FIBP: variants seen among roughly 807,000 people sequenced by gnomAD.
The protein encoded by FIBP is FGF1 intracellular binding protein.
A neutral mutation model predicts 40.5 loss-of-function variants in FIBP; 29 were observed. The ratio of observed to expected loss-of-function variants is 0.72; its 90% confidence interval spans 0.53 to 0.98. FIBP has a LOEUF of 0.98. FIBP is among the 50% of genes least tolerant of loss of function. The pLI is 0.00. For missense variants in FIBP, 411 were observed against 470.2 expected (o/e 0.87, Z 1.16); for synonymous variants, 215 against 191.1 (o/e 1.13, Z -1.03).
intron 1 of FIBP, 23 bp downstream of exon 1, chr11:65,888,311 T>TTCCCCACAC (rs1860299408): frequency 6.5e-7 from 1 of 1,545,530 alleles, no homozygotes; most frequent in Non-Finnish European, 8.7e-7. Context: ...GCCGACTGGC[T>TTCCCCACAC]TCCCCACACG....
chr11:65,884,206 G>A lies in FIBP; in HGVS notation c.1005-163C>T, dbSNP rs34402671. On this transcript the variant is annotated intron_variant, in intron 9 of 9. Transcript: ENST00000357519. Reference sequence around the variant, plus strand: ...TTGTACATGAGGAAACTGAGGCATGGAGAGGTTAAGAAACCTGCCCCAAAT... The same window carrying A: ...TTGTACATGAGGAAACTGAGGCATGAAGAGGTTAAGAAACCTGCCCCAAAT... The A allele has an allele frequency of 7.2e-4, 540 of 748,452 alleles. 8 individuals are homozygous for A. The East Asian group carries it at 0.014, about 20-fold the overall frequency. 46.4% of individuals were successfully genotyped at this position (748,452 alleles called of 1,614,324 possible).
chr11:65,888,262 CTT>C, intron 1 of FIBP, 70 bp downstream of exon 1: 1 of 1,495,824 alleles, frequency 6.7e-7, no homozygotes, highest in South Asian at 1.2e-5. Flanking sequence ...ATGCCCAAGT[CTT>C]AGCCCCGCCC....
In FIBP at chr11:65,888,086, C is replaced by T. The variant is rs764101631; in HGVS notation, c.132G>A (p.Gln44=). The change falls in exon 2 of 10, where the codon CAG becomes CAA. Residue 44 remains glutamine, a synonymous_variant. Transcript: ENST00000357519. ...GCAGCACCGCTGCCGTGGCGCCAGT[C>T]TGCTCCAGGATTCCCGAGCGCACCC... ...ALRVRSGILE[Q]TGATAAVLQS... is the part of the protein sequence containing the mutation. 8 of 1,603,468 alleles carry T rather than the reference C, an allele frequency of 5.0e-6. No homozygotes were observed. The African/African-American group carries it at 9.4e-5, about 19-fold the overall frequency.
intron 3 of FIBP, chr11:65,886,634 T>C: frequency 5.8e-6 from 3 of 517,406 alleles, no homozygotes; most frequent in Non-Finnish European, 1.0e-5. Context: ...TATCTTGCCT[T>C]GGATAAATGT....
rs1293469402 is a variant in FIBP at position 65,888,465 on chromosome 11, C to T, written c.-47G>A. ...GCCCCGAGCAGGAGCGAGCACTGCT[C>T]GGGACTGGCGCGCCGCCTTCAGGCC... On this transcript the variant is annotated 5_prime_UTR_variant, in exon 1 of 10. Coordinates refer to ENST00000357519, the MANE Select transcript of FIBP (RefSeq NM_004214.5). 3.4e-6 allele frequency: 5 copies of T among 1,459,902 alleles called. No homozygotes were observed. Among genetic ancestry groups the T allele is most frequent in the African/African-American group, 1.4e-5 (1 of 71,088 alleles). The allele number at this position is 1,459,902 out of a possible 1,614,324, so 90.4% of individuals were successfully genotyped here. A position where few individuals can be genotyped will look rare whatever the true frequency, so the allele number is the denominator to read the frequency against.
Position 65,883,825 on chromosome 11 carries a change from T to A in FIBP, c.*149A>T, listed in dbSNP as rs1340209316. ...TGTCTCAGTTCCCAAGGAGCCACTG[T>A]ACACATCCATCCTTGTACACGGACA... On this transcript the variant is annotated 3_prime_UTR_variant, in exon 10 of 10. Transcript: ENST00000357519. The A allele has an allele frequency of 1.3e-6, 1 of 768,070 alleles. No homozygotes were observed. Among genetic ancestry groups the A allele is most frequent in the East Asian group, 2.7e-5 (1 of 37,312 alleles). 47.6% of individuals were successfully genotyped at this position (768,070 alleles called of 1,614,324 possible). A position where few individuals can be genotyped will look rare whatever the true frequency, so the allele number is the denominator to read the frequency against.
At chr11:65,884,210 G>A in intron 9 of FIBP, 167 bp from the exon 10 acceptor site, 1 of 758,842 alleles carries the variant, frequency 1.3e-6, no homozygotes, top group South Asian at 1.8e-5. Flanking sequence ...GGCATGGAGA[G>A]GTTAAGAAAC....
At chr11:65,886,018 G>A (rs980812865) in intron 4 of FIBP, 27 of 461,230 alleles carry the variant, frequency 5.9e-5, no homozygotes, top group African/African-American at 2.4e-4. Flanking sequence ...CCAAAGTACA[G>A]ACCAAGCTGG....
intron 3 of FIBP, 167 bp from the exon 4 acceptor site, chr11:65,886,589 T>A (rs1860244252): frequency 1.7e-6 from 1 of 575,118 alleles, no homozygotes; most frequent in East Asian, 2.9e-5. Context: ...TTATTAGTAC[T>A]TGTTATCAAA....
At chr11:65,884,697 G>C in intron 7 of FIBP, 41 bp from the exon 8 acceptor site, 1 of 1,602,856 alleles carries the variant, frequency 6.2e-7, no homozygotes, top group East Asian at 2.2e-5. Context: ...TTCTGCCCCA[G>C]AAGTTGGCAG....
In FIBP at chr11:65,888,465, C is replaced by G; in HGVS notation, c.-47G>C. ...GCCCCGAGCAGGAGCGAGCACTGCT[C>G]GGGACTGGCGCGCCGCCTTCAGGCC... is the stretch of plus-strand genomic sequence containing the variant. On this transcript the variant is annotated 5_prime_UTR_variant, in exon 1 of 10. Transcript: ENST00000357519. 6.8e-7 allele frequency: 1 copy of G among 1,459,902 alleles called. No homozygotes were observed. The highest frequency in any genetic ancestry group is 9.3e-7 in the Non-Finnish European group (1 of 1,073,002). The allele number at this position is 1,459,902 out of a possible 1,614,324, so 90.4% of individuals were successfully genotyped here.
intron 3 of FIBP, chr11:65,887,289 T>C: frequency 2.6e-6 from 1 of 391,234 alleles, no homozygotes; most frequent in South Asian, 2.1e-5. Context: ...CTACTAACAA[T>C]ACAAAAATTA....
chr11:65,886,204 G>T, intron 4 of FIBP, 118 bp downstream of exon 4: 3 of 559,014 alleles, frequency 5.4e-6, no homozygotes, highest in Non-Finnish European at 9.8e-6. Flanking sequence ...CAGACCAAAA[G>T]TGGGATAATC....
At chr11:65,886,052 C>T (rs1175467415) in intron 4 of FIBP, 2 of 467,020 alleles carry the variant, frequency 4.3e-6, no homozygotes, top group Non-Finnish European at 3.9e-6. Flanking sequence ...AGCCTGTAAT[C>T]CCAGCTACTC....
rs746875538 is a variant in FIBP, at chr11:65,885,018, C to T, written c.756-20G>A. On this transcript the variant is annotated intron_variant, in intron 6 of 9. Coordinates refer to ENST00000357519, the MANE Select transcript of FIBP (RefSeq NM_004214.5). ...ACCAGGCTGCAGAGAGACAGGGTCA[C>T]GCCTATAGCCACCTGGGCCCCTACT... 23 of 1,614,026 alleles carry T rather than the reference C, an allele frequency of 1.4e-5. No individual in the cohort carries two copies. Among genetic ancestry groups the T allele is most frequent in the East Asian group, 2.2e-5 (1 of 44,898 alleles).
At chr11:65,884,712 G>A in intron 7 of FIBP, 56 bp from the exon 8 acceptor site, 3 of 1,577,276 alleles carry the variant, frequency 1.9e-6, no homozygotes, top group Non-Finnish European at 1.7e-6. Context: ...TGGCAGCTGA[G>A]CACAGAAGCT....
At chr11:65,887,521 G>T in intron 3 of FIBP, 79 bp downstream of exon 3, 1 of 1,480,436 alleles carries the variant, frequency 6.8e-7, no homozygotes. Flanking sequence ...CACAATCAGA[G>T]GCTGGAACTG....
At position 65,887,584 on chromosome 11, in the gene FIBP, T is replaced by C; in HGVS notation, c.411+16A>G. On this transcript the variant is annotated intron_variant, in intron 3 of 9. Coordinates refer to ENST00000357519, the MANE Select transcript of FIBP (RefSeq NM_004214.5). The stretch of plus-strand genomic sequence containing the variant: ...GTGTAGATGGGATGCTGTGTCCGTG[T>C]GGATGCAGTGCATACCTGTCTCCGG... 1 of 1,613,540 alleles carries C rather than the reference T, an allele frequency of 6.2e-7. No homozygotes were observed. The highest frequency in any genetic ancestry group is 2.2e-5 in the East Asian group (1 of 44,866).
rs1264366915 is a variant in FIBP, at chr11:65,884,419, G to A, written c.977C>T (p.Ala326Val). 4.3e-6 allele frequency: 7 copies of A among 1,614,012 alleles called. No homozygotes were observed. In the African/African-American group the frequency reaches 6.7e-5, roughly 15 times the overall value. ...GAAGCCATCGAGGGAGTGGACAGACGCTGAATACTGATTCAGGAAGAACCG... is the reference window on the plus strand; with the variant it reads ...GAAGCCATCGAGGGAGTGGACAGACACTGAATACTGATTCAGGAAGAACCG... ...DVRFFLNQYS[A>V]SVHSLDGFRH... The change falls in exon 9 of 10, where the codon GCG (alanine) becomes GTG (valine). Residue 326 changes from alanine to valine, a missense_variant. By Grantham distance (64) the Ala-to-Val change is moderately conservative (BLOSUM62 0). Transcript: ENST00000357519.
Sources: allele counts gnomAD v4.1 joint callset, GRCh38; gene constraint gnomAD v4.1.1; transcripts MANE v1.5; gene names NCBI Gene and HGNC (gene_info 2026-07-23, HGNC 2026-07-21).